The following LY86 variants were observed in gnomAD, a reference collection of about 807,000 sequenced individuals.
LY86 encodes the protein MD-1, RP105-associated.
Under a neutral mutation model 17.3 loss-of-function variants are expected in LY86, and 20 were observed. The ratio of observed to expected loss-of-function variants is 1.15; its 90% CI spans 0.81 to 1.68. The LOEUF is 1.68. LY86 is among the 40% of genes most tolerant of loss of function. The pLI is 0.00. For missense variants in LY86, 200 were observed against 191.9 expected (o/e 1.04, Z -0.25); for synonymous variants, 74 against 70.6 (o/e 1.05, Z -0.24).
chr6:6,612,047 A>G (rs904772209), intron 1 of LY86, among the ~76,000 whole-genome samples: 2 of 151,686 alleles, frequency 1.3e-5, no homozygotes, highest in African/African-American at 2.4e-5. Flanking sequence ...GAGAGAGCAA[A>G]TTGAAGATGT....
At chr6:6,593,276 T>A (rs2113072696) in intron 1 of LY86, among the ~76,000 whole-genome samples, 1 of 152,384 alleles carries the variant, frequency 6.6e-6, no homozygotes, top group Non-Finnish European at 1.5e-5. Flanking sequence ...CAGTGTAGCA[T>A]CTTGCTTCCT....
intron 3 of LY86, among the ~76,000 whole-genome samples, chr6:6,647,615 C>T (rs1049983503): frequency 2.6e-5 from 4 of 152,194 alleles, no homozygotes; most frequent in Non-Finnish European, 5.9e-5. Context: ...TGGCAATACC[C>T]TCCTGTTTGA....
intron 3 of LY86, among the ~76,000 whole-genome samples, chr6:6,645,084 A>G (rs1762090686): frequency 6.6e-6 from 1 of 152,224 alleles, no homozygotes; most frequent in Non-Finnish European, 1.5e-5. Flanking sequence ...GCATTAAATA[A>G]GCATAACAAA....
In LY86 at chr6:6,654,420, G is replaced by C; in HGVS notation, c.406-124G>C. 5 of 727,444 alleles carry C rather than the reference G, an allele frequency of 6.9e-6. No homozygotes were observed. The South Asian group carries it at 8.8e-5, about 13-fold the overall frequency. 45.1% of individuals were successfully genotyped at this position (727,444 alleles called of 1,614,324 possible). ...CACAGGGCAGGGGTTGGCTTGTCTTGTTCTACGTTATCCACAATGTCCAGA... is the reference window on the plus strand; with the variant it reads ...CACAGGGCAGGGGTTGGCTTGTCTTCTTCTACGTTATCCACAATGTCCAGA... On this transcript the variant is annotated intron_variant, in intron 4 of 4. Coordinates refer to ENST00000230568, the MANE Select transcript of LY86 (RefSeq NM_004271.4).
chr6:6,652,136 T>C (rs1280882455), intron 4 of LY86, among the ~76,000 whole-genome samples: 5 of 148,022 alleles, frequency 3.4e-5, no homozygotes, highest in Non-Finnish European at 7.4e-5. Context: ...CTACAGTGCA[T>C]GAAGGAAGTG....
At chr6:6,597,020 T>G (rs1189516744) in intron 1 of LY86, among the ~76,000 whole-genome samples, 1 of 152,158 alleles carries the variant, frequency 6.6e-6, no homozygotes, top group Non-Finnish European at 1.5e-5. Flanking sequence ...GCTCCGCTCA[T>G]GTTTTGGGAG....
chr6:6,629,491 G>C (rs1761866548), intron 3 of LY86, among the ~76,000 whole-genome samples: 7 of 152,210 alleles, frequency 4.6e-5, no homozygotes. Context: ...ACATAAAAAG[G>C]CTTGCTCTGG....
intron 3 of LY86, among the ~76,000 whole-genome samples, chr6:6,642,023 C>T (rs948214886): frequency 1.3e-5 from 2 of 152,226 alleles, no homozygotes; most frequent in African/African-American, 4.8e-5. Flanking sequence ...TTGCCCTTCA[C>T]GGGCTTCTCT....
intron 1 of LY86, among the ~76,000 whole-genome samples, chr6:6,609,026 C>T (rs1213222222): frequency 6.6e-6 from 1 of 152,140 alleles, no homozygotes; most frequent in Non-Finnish European, 1.5e-5. Flanking sequence ...AGAAATGAGT[C>T]CTTTCCTTGG....
chr6:6,609,346 G>C (rs113093425), intron 1 of LY86, among the ~76,000 whole-genome samples: 179 of 152,302 alleles, frequency 1.2e-3, no homozygotes, highest in African/African-American at 4.1e-3. Context: ...TGAAGAATTT[G>C]ACTTCCCTGG....
chr6:6,611,760 A>T (rs1479835636), intron 1 of LY86, among the ~76,000 whole-genome samples: 1 of 152,108 alleles, frequency 6.6e-6, no homozygotes, highest in Admixed American at 6.5e-5. Context: ...TGTATCCCAC[A>T]TCTAGCACAG....
At chr6:6,598,898 T>C (rs1039955354) in intron 1 of LY86, among the ~76,000 whole-genome samples, 1 of 152,260 alleles carries the variant, frequency 6.6e-6, no homozygotes, top group Non-Finnish European at 1.5e-5. Flanking sequence ...TCCTAGAACA[T>C]AGCATTGACC....
Position 6,630,496 on chromosome 6 carries a change from T to C in LY86, c.352+4075T>C, listed in dbSNP as rs529766711. ...GTCATTCAGATGTATTTGCTTTAGT[T>C]GATTGCCATGCTTTCAAACAGGTTC... On this transcript the variant is annotated intron_variant, in intron 3 of 4. Coordinates refer to ENST00000230568, the MANE Select transcript of LY86 (RefSeq NM_004271.4). Among the ~76,000 whole-genome samples, 8 of 152,372 alleles carry C rather than the reference T, an allele frequency of 5.3e-5. No homozygotes were observed. In the South Asian group the frequency reaches 1.2e-3, roughly 24 times the overall value.
intron 1 of LY86, among the ~76,000 whole-genome samples, chr6:6,593,327 CT>C (rs371593130): frequency 6.6e-6 from 1 of 152,348 alleles, no homozygotes; most frequent in East Asian, 1.9e-4. Flanking sequence ...TCAAAGCTCC[CT>C]CTGCCTCCTT....
intron 1 of LY86, among the ~76,000 whole-genome samples, chr6:6,604,281 T>A (rs186163163): frequency 2.3e-4 from 35 of 151,988 alleles, no homozygotes; most frequent in African/African-American, 8.0e-4. Context: ...GAATTCTACA[T>A]CCAAAGATAT....
In LY86 at chr6:6,599,408, C is replaced by T. The variant is rs564520657; in HGVS notation, c.136+10538C>T. ...CCCTCTAGCATTCCATCAGTGCAGT[C>T]GTAGAGGACTTTGGTCTTTTCAGTC... On this transcript the variant is annotated intron_variant, in intron 1 of 4. Coordinates refer to ENST00000230568, the MANE Select transcript of LY86 (RefSeq NM_004271.4). Among the ~76,000 whole-genome samples the T allele has an allele frequency of 2.0e-4, 31 of 152,284 alleles. No individual in the cohort carries two copies. The South Asian group carries it at 5.6e-3, about 27-fold the overall frequency.
intron 1 of LY86, among the ~76,000 whole-genome samples, chr6:6,600,587 CAAAAAAAAAAAAAAAAAAAAAAAAA>C (rs59560744): frequency 1.1e-4 from 9 of 82,458 alleles, no homozygotes; most frequent in African/African-American, 4.1e-4. Flanking sequence ...GAGACTCCAT[CAAAAAAAAAAAAAAAAAAAAAAAAA>C]AAAAAAAAAA....
At chr6:6,635,590 T>C (rs1405684976) in intron 3 of LY86, among the ~76,000 whole-genome samples, 1 of 152,228 alleles carries the variant, frequency 6.6e-6, no homozygotes, top group East Asian at 1.9e-4. Context: ...ACCTATGTTA[T>C]ACTTGTTTGC....
At chr6:6,621,578 G>C (rs1761678049) in intron 1 of LY86, 1 of 152,224 alleles carries the variant, frequency 6.6e-6, no homozygotes, top group African/African-American at 2.4e-5. Context: ...TTCACAACTA[G>C]AGGGTATGGG....
Sources: gnomAD v4.1 joint callset for allele counts (sites outside exome capture counted in the v4.1 genomes callset) on GRCh38, gnomAD v4.1.1 for gene constraint, MANE v1.5 for transcripts, NCBI Gene and HGNC (gene_info 2026-07-23, HGNC 2026-07-21) for gene names.